The following GOLM2 variants were observed in gnomAD, a reference collection of about 807,000 sequenced individuals.
GOLM2 encodes golgi membrane protein 2, also known as protein GOLM2.
Under a neutral mutation model 55.9 loss-of-function variants are expected in GOLM2, and 26 were observed. The observed-to-expected ratio is 0.47, with a 90% CI of 0.34 to 0.65. The LOEUF (loss-of-function observed/expected upper bound fraction) is 0.65. GOLM2 is among the 30% of genes least tolerant of loss of function. GOLM2 has a pLI of 0.01. For missense variants in GOLM2, 486 were observed against 531.8 expected (o/e 0.91, Z 0.85); for synonymous variants, 165 against 194.6 (o/e 0.85, Z 1.27).
intron 1 of GOLM2, among the ~76,000 whole-genome samples, chr15:44,321,922 T>G (rs1429742666): frequency 1.3e-5 from 2 of 151,848 alleles, no homozygotes; most frequent in Non-Finnish European, 2.9e-5. Context: ...AACTGGGTAT[T>G]ATGATACATA....
intron 8 of GOLM2, among the ~76,000 whole-genome samples, chr15:44,393,449 T>C (rs546316886): frequency 6.6e-6 from 1 of 152,312 alleles, no homozygotes; most frequent in East Asian, 1.9e-4. Context: ...GCCATCCCAA[T>C]TATAATCCCA....
chr15:44,307,991 C>CT (rs2141117112), intron 1 of GOLM2: 2 of 152,212 alleles, frequency 1.3e-5, no homozygotes, highest in South Asian at 4.2e-4. Flanking sequence ...GAAATTATGT[C>CT]TGAGTTAAAG....
chr15:44,341,343 G>C (rs916868743), intron 6 of GOLM2, among the ~76,000 whole-genome samples: 2 of 152,098 alleles, frequency 1.3e-5, no homozygotes, highest in Non-Finnish European at 2.9e-5. Flanking sequence ...GCCTCCCAAA[G>C]TGCTGGGATT....
intron 6 of GOLM2, among the ~76,000 whole-genome samples, chr15:44,343,248 G>A (rs748439845): frequency 2.7e-5 from 4 of 150,318 alleles, no homozygotes; most frequent in Non-Finnish European, 5.9e-5. Context: ...CAGGAGAATC[G>A]CTAGAATCCA....
intron 1 of GOLM2, among the ~76,000 whole-genome samples, chr15:44,295,764 G>C (rs1419136363): frequency 6.6e-6 from 1 of 152,024 alleles, no homozygotes; most frequent in Non-Finnish European, 1.5e-5. Flanking sequence ...AAAAGGATAC[G>C]AGTCATATTG....
chr15:44,375,209 C>T (rs1028126226), intron 6 of GOLM2, among the ~76,000 whole-genome samples: 8 of 151,940 alleles, frequency 5.3e-5, no homozygotes, highest in Non-Finnish European at 7.4e-5. Context: ...TTAGTAGAGA[C>T]GGGGTTTCGC....
At chr15:44,300,264 A>T (rs1390059060) in intron 1 of GOLM2, among the ~76,000 whole-genome samples, 1 of 151,898 alleles carries the variant, frequency 6.6e-6, no homozygotes, top group Non-Finnish European at 1.5e-5. Flanking sequence ...GAAGGGAGGG[A>T]GGAAGGAAGG....
intron 1 of GOLM2, among the ~76,000 whole-genome samples, chr15:44,296,828 T>C (rs2078759740): frequency 6.6e-6 from 1 of 152,240 alleles, no homozygotes; most frequent in African/African-American, 2.4e-5. Flanking sequence ...CATAGGTGTC[T>C]TAGCTGACTC....
At chr15:44,351,533 C>T (rs192496534) in intron 6 of GOLM2, among the ~76,000 whole-genome samples, 89 of 144,450 alleles carry the variant, frequency 6.2e-4, no homozygotes, top group African/African-American at 1.1e-3. Flanking sequence ...GCTGAGATTG[C>T]GCCGCTACAC....
chr15:44,389,303 G>T (rs770636467), intron 8 of GOLM2, among the ~76,000 whole-genome samples: 7 of 152,116 alleles, frequency 4.6e-5, no homozygotes, highest in African/African-American at 1.7e-4. Context: ...GCTGAGGCAG[G>T]TGGATCACTT....
intron 6 of GOLM2, among the ~76,000 whole-genome samples, chr15:44,356,987 A>G (rs1271024265): frequency 6.6e-6 from 1 of 152,148 alleles, no homozygotes; most frequent in Non-Finnish European, 1.5e-5. Flanking sequence ...TCTGAGCAAC[A>G]TGGCAAAAAC....
chr15:44,388,489 C>A (rs2141200762), intron 8 of GOLM2, among the ~76,000 whole-genome samples: 1 of 152,224 alleles, frequency 6.6e-6, no homozygotes, highest in East Asian at 1.9e-4. Flanking sequence ...GCCTAGGCAA[C>A]ATGGTGAAAC....
intron 8 of GOLM2, among the ~76,000 whole-genome samples, chr15:44,384,468 C>T (rs565185280): frequency 9.2e-5 from 14 of 152,078 alleles, no homozygotes; most frequent in Non-Finnish European, 1.0e-4. Flanking sequence ...AAAATTAGGC[C>T]GGGCACGGTG....
chr15:44,359,423 TA>T (rs2079221258), intron 6 of GOLM2, among the ~76,000 whole-genome samples: 1 of 151,614 alleles, frequency 6.6e-6, no homozygotes, highest in Non-Finnish European at 1.5e-5. Flanking sequence ...CCGTCTCTAC[TA>T]AAAATACAAA....
At chr15:44,301,638 A>G (rs1203839728) in intron 1 of GOLM2, among the ~76,000 whole-genome samples, 2 of 152,218 alleles carry the variant, frequency 1.3e-5, no homozygotes, top group Non-Finnish European at 2.9e-5. Context: ...AAAAAAGATC[A>G]GGATTTAATG....
chr15:44,403,175 T>A, intron 9 of GOLM2, 121 bp downstream of exon 9: 2 of 1,182,184 alleles, frequency 1.7e-6, no homozygotes, highest in Non-Finnish European at 2.4e-6. Flanking sequence ...TTTTGTTTTT[T>A]CTTTGTGACG....
intron 8 of GOLM2, among the ~76,000 whole-genome samples, chr15:44,393,439 G>A (rs2079504627): frequency 1.3e-5 from 2 of 152,046 alleles, no homozygotes; most frequent in Admixed American, 1.3e-4. Context: ...GAACTTCATT[G>A]CCATCCCAAT....
chr15:44,318,708 C>CA (rs932864980), intron 1 of GOLM2, among the ~76,000 whole-genome samples: 8,209 of 94,700 alleles, frequency 0.087, 389 homozygotes, highest in East Asian at 0.26. Flanking sequence ...CACTCTGTCT[C>CA]AAAAAAAAAA....
intron 8 of GOLM2, among the ~76,000 whole-genome samples, chr15:44,392,005 C>T (rs570199448): frequency 1.9e-4 from 29 of 152,154 alleles, no homozygotes; most frequent in African/African-American, 6.7e-4. Flanking sequence ...CACGTGCCAC[C>T]ATGCCCTGCT....
Sources: gnomAD v4.1 joint callset for allele counts (sites outside exome capture counted in the v4.1 genomes callset) on GRCh38, gnomAD v4.1.1 for gene constraint, MANE v1.5 for transcripts, NCBI Gene and HGNC (gene_info 2026-07-23, HGNC 2026-07-21) for gene names.